The following DNMBP variants were observed in gnomAD, a reference collection of about 807,000 sequenced individuals.
DNMBP encodes dynamin binding protein.
A neutral mutation model predicts 150.0 loss-of-function variants in DNMBP; 87 were observed. That is an observed-to-expected ratio of 0.58 (90% CI 0.49 to 0.69). The LOEUF is 0.69. DNMBP is among the 30% of genes least tolerant of loss of function. The pLI, the probability that DNMBP is intolerant of heterozygous loss-of-function variation, is 0.00. For missense variants in DNMBP, 1,774 were observed against 1,949.0 expected, an observed-to-expected ratio of 0.91 and a Z score of 1.69; for synonymous variants, 711 against 750.4, an observed-to-expected ratio of 0.95 and a Z score of 0.86.
At chr10:99,911,710 T>A (rs958812801) in intron 4 of DNMBP, among the ~76,000 whole-genome samples, 2 of 152,226 alleles carry the variant, frequency 1.3e-5, no homozygotes, top group Non-Finnish European at 2.9e-5. Flanking sequence ...TTGGTATTAT[T>A]CAAAATAAAA....
chr10:99,982,559 C>T (rs1564753641), intron 1 of DNMBP, among the ~76,000 whole-genome samples: 1 of 152,084 alleles, frequency 6.6e-6, no homozygotes, highest in South Asian at 2.1e-4. Context: ...GAGAGGTAAG[C>T]ACTGGAGACA....
At chr10:99,954,158 G>A (rs1300321700) in intron 4 of DNMBP, among the ~76,000 whole-genome samples, 1 of 151,818 alleles carries the variant, frequency 6.6e-6, no homozygotes, top group Non-Finnish European at 1.5e-5. Context: ...TCAGCCTCCC[G>A]AGTAGCTGGG....
intron 4 of DNMBP, among the ~76,000 whole-genome samples, chr10:99,943,067 C>G (rs2040318646): frequency 6.6e-6 from 1 of 152,096 alleles, no homozygotes; most frequent in African/African-American, 2.4e-5. Context: ...GGCGGATCAC[C>G]TGAGGTCAGG....
intron 1 of DNMBP, among the ~76,000 whole-genome samples, chr10:99,986,671 C>T (rs989052569): frequency 4.4e-5 from 6 of 135,788 alleles, no homozygotes; most frequent in African/African-American, 1.1e-4. Context: ...ATGAAGAAAA[C>T]GGACAACAAA....
rs1394493649 is a variant in DNMBP at position 99,880,330 on chromosome 10, T to C, written c.4029A>G (p.Leu1343=). The change falls in exon 16 of 17, where the codon CTA becomes CTG. Residue 1343 remains leucine, a synonymous_variant. Transcript: ENST00000324109. The stretch of plus-strand genomic sequence containing the variant: ...GGCTGCGGCGAGGATTGTAGGGCTT[T>C]AGGAAAGAGCTGTACACGAAGCCTT... ...VTKGFVYSSF[L]KPYNPRRSHS... 2 of 1,606,872 alleles carry C rather than the reference T, an allele frequency of 1.2e-6. No homozygotes were observed.
intron 4 of DNMBP, among the ~76,000 whole-genome samples, chr10:99,945,185 A>C (rs953418248): frequency 6.6e-6 from 1 of 152,090 alleles, no homozygotes; most frequent in Admixed American, 6.5e-5. Context: ...CAAAAAAAAC[A>C]AAAAAAATCA....
At chr10:99,939,030 G>A (rs1364136331) in intron 4 of DNMBP, among the ~76,000 whole-genome samples, 1 of 151,948 alleles carries the variant, frequency 6.6e-6, no homozygotes, top group Non-Finnish European at 1.5e-5. Context: ...ACCTATTCTA[G>A]AAGTGAGGAT....
At chr10:99,907,066 T>C (rs1332482979) in intron 6 of DNMBP, among the ~76,000 whole-genome samples, 1 of 152,056 alleles carries the variant, frequency 6.6e-6, no homozygotes, top group Non-Finnish European at 1.5e-5. Context: ...ATCCCAGCAA[T>C]GTGGGAGGCC....
intron 1 of DNMBP, among the ~76,000 whole-genome samples, chr10:99,985,345 T>TA (rs1189377656): frequency 6.6e-6 from 1 of 152,146 alleles, no homozygotes; most frequent in East Asian, 1.9e-4. Flanking sequence ...AATGTATATA[T>TA]AATTTCAAGA....
chr10:99,907,090 C>T (rs117919697), intron 6 of DNMBP, among the ~76,000 whole-genome samples: 3,913 of 151,986 alleles, frequency 0.026, 78 homozygotes, highest in Middle Eastern at 0.15. Context: ...GTGGGTAGAT[C>T]GCTTAAGCCC....
At chr10:99,937,542 T>G (rs182565647) in intron 4 of DNMBP, among the ~76,000 whole-genome samples, 4 of 152,218 alleles carry the variant, frequency 2.6e-5, no homozygotes, top group African/African-American at 4.8e-5. Flanking sequence ...GAAGAATATC[T>G]CAAAACACAG....
intron 1 of DNMBP, among the ~76,000 whole-genome samples, chr10:99,982,594 T>A (rs1337641653): frequency 2.0e-5 from 3 of 152,016 alleles, no homozygotes; most frequent in Admixed American, 1.3e-4. Context: ...TTAAAAAAAA[T>A]TTAGAAAAAT....
chr10:99,984,762 C>T (rs981322215), intron 1 of DNMBP, among the ~76,000 whole-genome samples: 1 of 152,184 alleles, frequency 6.6e-6, no homozygotes, highest in Admixed American at 6.5e-5. Flanking sequence ...CAGGGTCTCA[C>T]TCTGTTGCCC....
intron 6 of DNMBP, 100 bp from the exon 7 acceptor site, chr10:99,900,166 A>G: frequency 4.3e-6 from 5 of 1,165,758 alleles, no homozygotes; most frequent in African/African-American, 1.5e-5. Context: ...GCTAAATCCT[A>G]CCTATTACAA....
chr10:99,955,331 G>A lies in DNMBP; in HGVS notation c.2143C>T (p.Leu715=). ...TGCTTCTCCTCCAGCATGAGGTTTAGCTCTTCTTGAGCTCTACTGTACATA... is the reference window on the plus strand; with the variant it reads ...TGCTTCTCCTCCAGCATGAGGTTTAACTCTTCTTGAGCTCTACTGTACATA... The part of the protein sequence containing the change: ...LDMYSRAQEE[L]NLMLEEKQDE... Residue 715 remains leucine (L), a synonymous_variant, in exon 4 of 17, where the codon CTA becomes TTA. Transcript: ENST00000324109. 1 of 1,614,134 alleles carries A rather than the reference G, an allele frequency of 6.2e-7. No homozygotes were observed. Among genetic ancestry groups the A allele is most frequent in the Non-Finnish European group, 8.5e-7 (1 of 1,180,026 alleles).
intron 2 of DNMBP, 119 bp downstream of exon 2, chr10:99,971,852 CTTTCTTTCT>C: frequency 2.1e-6 from 2 of 938,172 alleles, no homozygotes; most frequent in East Asian, 2.5e-5. Context: ...TTCTTTCTTT[CTTTCTTTCT>C]TTTTTTTTTT....
chr10:99,969,207 A>C lies in DNMBP; in HGVS notation c.176T>G (p.Val59Gly), dbSNP rs1375026546. ...GQFPSSFVEIVTIPSLKEGER... is the reference protein window; with the variant it reads ...GQFPSSFVEIGTIPSLKEGER... ...TCCCTCTTTTAGACTGGGAATGGTC[A>C]CAATTTCCACAAAACTGCTGGGGAA... The change falls in exon 3 of 17, where the codon GTG becomes GGG. Residue 59 changes from valine (V) to glycine (G), a missense_variant. This residue lies in a region of DNMBP where 344 missense variants were observed against 456.6 expected (regional missense o/e 0.75). Coordinates refer to ENST00000324109, the MANE Select transcript of DNMBP (RefSeq NM_015221.4). The C allele has an allele frequency of 2.5e-6, 4 of 1,614,130 alleles. No individual in the cohort carries two copies. The highest frequency in any genetic ancestry group is 3.4e-6 in the Non-Finnish European group (4 of 1,179,968).
intron 1 of DNMBP, among the ~76,000 whole-genome samples, chr10:99,996,342 G>A (rs573379356): frequency 2.6e-5 from 4 of 152,128 alleles, no homozygotes; most frequent in South Asian, 2.1e-4. Flanking sequence ...CCAAAATGGC[G>A]AAACCCCGTC....
intron 4 of DNMBP, among the ~76,000 whole-genome samples, chr10:99,921,223 G>A (rs2040019331): frequency 6.6e-6 from 1 of 151,970 alleles, no homozygotes; most frequent in Non-Finnish European, 1.5e-5. Context: ...CTTGTCTCTG[G>A]GCCTTTTCCA....
Sources: allele counts gnomAD v4.1 joint callset (sites outside exome capture counted in the v4.1 genomes callset), GRCh38; gene constraint gnomAD v4.1.1; regional missense constraint gnomAD v4.1.1; transcripts MANE v1.5; gene names NCBI Gene and HGNC (gene_info 2026-07-23, HGNC 2026-07-21).